Variants in KIAA0513 observed in about 807,000 individuals in gnomAD.
The protein encoded by KIAA0513 is KIAA0513, also known as uncharacterized protein KIAA0513.
Under a neutral mutation model 56.5 loss-of-function variants are expected in KIAA0513, and 39 were observed. The observed-to-expected ratio is 0.69, with a 90% CI of 0.53 to 0.90. The LOEUF (loss-of-function observed/expected upper bound fraction) is 0.90. Ranked by LOEUF, KIAA0513 falls within the 40% of genes least tolerant of loss-of-function variation. The probability of loss-of-function intolerance (pLI) is 0.00; values close to 1 mark genes in which losing one functional copy is unlikely to be tolerated. For synonymous variants in KIAA0513, 268 were observed against 215.6 expected (o/e 1.24, Z -2.13); for missense variants, 591 against 535.2 (o/e 1.10, Z -1.03).
chr16:85,041,788 A>G (rs1218949204), intron 1 of KIAA0513, among the ~76,000 whole-genome samples: 2 of 152,158 alleles, frequency 1.3e-5, no homozygotes, highest in Non-Finnish European at 2.9e-5. Flanking sequence ...TGTGTTACCC[A>G]GCTGGTGACA....
At chr16:85,052,864 G>A (rs2073273551) in intron 1 of KIAA0513, among the ~76,000 whole-genome samples, 1 of 152,068 alleles carries the variant, frequency 6.6e-6, no homozygotes, top group African/African-American at 2.4e-5. Flanking sequence ...TCGTGCTTGT[G>A]TAACTTCGGA....
At chr16:85,033,700 G>A (rs1474855237) in intron 1 of KIAA0513, among the ~76,000 whole-genome samples, 4 of 152,136 alleles carry the variant, frequency 2.6e-5, no homozygotes, top group Non-Finnish European at 4.4e-5. Context: ...GAGCAGGACC[G>A]TCGCCAGCTG....
At chr16:85,049,377 T>C (rs142767791) in intron 1 of KIAA0513, among the ~76,000 whole-genome samples, 71 of 152,306 alleles carry the variant, frequency 4.7e-4, no homozygotes, top group African/African-American at 1.6e-3. Context: ...TGGAGGTTGG[T>C]TCCGTTCCAC....
rs202241423 is a variant in KIAA0513 at position 85,067,240 on chromosome 16, A to G, written c.169A>G (p.Met57Val). ...TGAGTCTGCGGACAGTGAGAATGAC[A>G]TGGGCGAGTCGCCCTCGCACCCGTC... Reference protein sequence around the residue: ...TTESADSENDMGESPSHPSWD... With the variant: ...TTESADSENDVGESPSHPSWD... Residue 57 changes from methionine (M) to valine (V), a missense_variant, in exon 2 of 13, where the codon ATG becomes GTG. Transcript: ENST00000683363. 32 of 1,614,014 alleles carry G rather than the reference A, an allele frequency of 2.0e-5. No individual in the cohort carries two copies. Among genetic ancestry groups the G allele is most frequent in the East Asian group, 6.7e-5 (3 of 44,894 alleles).
At position 85,081,337 on chromosome 16, in the gene KIAA0513, G is replaced by A; in HGVS notation, c.925G>A (p.Ala309Thr). ...PIWHTLRFWN[A>T]AFFDAVHCER... ...CAGGCACACTCTGAGGTTCTGGAAT[G>A]CAGCCTTTTTTGACGCTGTCCATTG... Residue 309 changes from alanine to threonine, a missense_variant, in exon 9 of 13, where the codon GCA becomes ACA. Ala to Thr is a moderately conservative substitution (Grantham distance 58). Transcript: ENST00000683363. This position sits in a 1 kb window ranked among gnomAD's most constrained non-coding sequence, Gnocchi z 4.4. 1 of 1,608,676 alleles carries A rather than the reference G, an allele frequency of 6.2e-7. No individual in the cohort carries two copies. The highest frequency in any genetic ancestry group is 8.5e-7 in the Non-Finnish European group (1 of 1,177,500).
At position 85,076,020 on chromosome 16, in the gene KIAA0513, TC is replaced by T; in HGVS notation, c.574+108del. 1.2e-6 allele frequency: 1 copy of T among 805,956 alleles called. No individual in the cohort carries two copies. 49.9% of individuals were successfully genotyped at this position (805,956 alleles called of 1,614,324 possible). On this transcript the variant is annotated intron_variant, in intron 5 of 12. Transcript: ENST00000683363. The surrounding 1 kb of genome is among the most constrained non-coding windows in gnomAD (Gnocchi z 4.7). ...GATAAAAAGCAAAAGCTATGGGGCC[TC>T]CAGAGAACAGAGGAAGCTGATGTTA...
Position 85,077,585 on chromosome 16 carries a change from C to CG in KIAA0513, c.741dup (p.Leu248AlafsTer66). On this transcript the variant is annotated frameshift_variant, in exon 6 of 13. Coordinates refer to ENST00000683363, the MANE Select transcript of KIAA0513 (RefSeq NM_001388359.1). ...GGACTGAGAATGTCAAGGGCTTCTT[C>CG]GGGGGGCTGGAGACCAAGCTGAAGG... 1.9e-6 allele frequency: 3 copies of CG among 1,613,946 alleles called. No individual in the cohort carries two copies. Among genetic ancestry groups the CG allele is most frequent in the Non-Finnish European group, 8.5e-7 (1 of 1,179,956 alleles).
chr16:85,054,681 C>T (rs908187099), intron 1 of KIAA0513, among the ~76,000 whole-genome samples: 2 of 152,078 alleles, frequency 1.3e-5, no homozygotes, highest in African/African-American at 2.4e-5. Flanking sequence ...CCACCCTCCT[C>T]AGCCTCCCAC....
At chr16:85,074,031 G>A (rs952010162) in intron 4 of KIAA0513, among the ~76,000 whole-genome samples, 11 of 152,004 alleles carry the variant, frequency 7.2e-5, no homozygotes, top group Admixed American at 1.3e-4. Context: ...AGGCTGGAGT[G>A]CAGTGGGATC....
intron 1 of KIAA0513, among the ~76,000 whole-genome samples, chr16:85,032,111 C>G (rs181277473): frequency 1.2e-3 from 185 of 152,320 alleles, no homozygotes; most frequent in African/African-American, 4.2e-3. Context: ...TTCTTGGGGA[C>G]TCAGAGGGAG....
chr16:85,086,887 C>A (rs1597651537), intron 11 of KIAA0513, 163 bp downstream of exon 11: 1 of 837,700 alleles, frequency 1.2e-6, no homozygotes, highest in Non-Finnish European at 1.9e-6. Flanking sequence ...CCGCCTCCTA[C>A]ACGACCCCTG....
In KIAA0513 at chr16:85,083,369, C is replaced by T. The variant is rs183005485; in HGVS notation, c.1010+776C>T. Among the ~76,000 whole-genome samples, 649 of 152,232 alleles carry T rather than the reference C, an allele frequency of 4.3e-3. 4 individuals are homozygous for T. Among genetic ancestry groups the T allele is most frequent in the African/African-American group, 0.015 (620 of 41,542 alleles). On this transcript the variant is annotated intron_variant, in intron 10 of 12. Coordinates refer to ENST00000683363, the MANE Select transcript of KIAA0513 (RefSeq NM_001388359.1). ...GATTCATGAAGTTGCCTCCTCTAAT[C>T]AGTGGTATGTCTGTAGTGTTTATTG...
chr16:85,070,406 C>T (rs1048724117), intron 2 of KIAA0513, among the ~76,000 whole-genome samples: 8 of 152,132 alleles, frequency 5.3e-5, no homozygotes, highest in South Asian at 2.1e-4. Flanking sequence ...GGGCTGAGTA[C>T]GGTGGCTCAC....
rs74713548 is a variant in KIAA0513, at chr16:85,052,871, C to T, written c.-172-14029C>T. Among the ~76,000 whole-genome samples, 307 of 152,164 alleles carry T rather than the reference C, an allele frequency of 2.0e-3. 1 individual carries two copies. Among genetic ancestry groups the T allele is most frequent in the Non-Finnish European group, 3.6e-3 (246 of 67,986 alleles). On this transcript the variant is annotated intron_variant, in intron 1 of 12. Transcript: ENST00000683363. ...TCTCAGTATCGTGCTTGTGTAACTT[C>T]GGATCAAATTTTTATTTTTATTTTT...
chr16:85,044,866 C>G (rs1346235186), intron 1 of KIAA0513, among the ~76,000 whole-genome samples: 1 of 151,878 alleles, frequency 6.6e-6, no homozygotes, highest in African/African-American at 2.4e-5. Flanking sequence ...CACCTGTAAT[C>G]CCAGCACTTT....
At chr16:85,043,142 A>G (rs969366195) in intron 1 of KIAA0513, among the ~76,000 whole-genome samples, 2 of 152,236 alleles carry the variant, frequency 1.3e-5, no homozygotes, top group Admixed American at 1.3e-4. Context: ...TTTAAATAGT[A>G]ATTTTGATAG....
chr16:85,062,252 C>G (rs1396291044), intron 1 of KIAA0513, among the ~76,000 whole-genome samples: 2 of 152,068 alleles, frequency 1.3e-5, no homozygotes, highest in African/African-American at 4.8e-5. Context: ...AGGTCTCACT[C>G]ATGGCTTCAT....
Position 85,065,283 on chromosome 16 carries a change from C to T in KIAA0513, c.-172-1617C>T, listed in dbSNP as rs561088775. ...GGGGACCCATCAGAGACTAGGCGCC[C>T]TGGCCGGGGACGCAGCTGGCGAGGG... On this transcript the variant is annotated intron_variant, in intron 1 of 12. Coordinates refer to ENST00000683363, the MANE Select transcript of KIAA0513 (RefSeq NM_001388359.1). 2.0e-5 allele frequency among the ~76,000 whole-genome samples: 3 copies of T among 152,322 alleles called. No individual in the cohort carries two copies. The South Asian group carries it at 6.2e-4, about 32-fold the overall frequency.
In KIAA0513 at chr16:85,082,646, G is replaced by C. The variant is rs540363514; in HGVS notation, c.1010+53G>C. On this transcript the variant is annotated intron_variant, in intron 10 of 12. Coordinates refer to ENST00000683363, the MANE Select transcript of KIAA0513 (RefSeq NM_001388359.1). ...ATTTTACAGTGCGGGCTCCTGCGAA[G>C]GCCACTGCAGGGTGGGGGCTGTGCA... is the stretch of plus-strand genomic sequence containing the variant. 2.8e-4 allele frequency: 435 copies of C among 1,572,148 alleles called. 3 individuals carry two copies. In the East Asian group the frequency reaches 7.7e-3, roughly 28 times the overall value.
Sources: gnomAD v4.1 joint callset for allele counts (sites outside exome capture counted in the v4.1 genomes callset) on GRCh38, gnomAD v4.1.1 for gene constraint, Gnocchi (gnomAD v3.1) non-coding constraint, MANE v1.5 for transcripts, NCBI Gene and HGNC (gene_info 2026-07-23, HGNC 2026-07-21) for gene names.